Variants in METTL15 observed in about 807,000 individuals in gnomAD.
METTL15 encodes the protein 12S rRNA N(4)-cytidine methyltransferase METTL15.
A neutral mutation model predicts 38.3 loss-of-function variants in METTL15; 34 were observed. The observed-to-expected ratio is 0.89, with a 90% CI of 0.68 to 1.18. The LOEUF is 1.18. Ranked by LOEUF, METTL15 falls within the 50% of genes most tolerant of loss-of-function variation. The probability of loss-of-function intolerance (pLI) is 0.00; values close to 1 mark genes in which losing one functional copy is unlikely to be tolerated. For synonymous variants in METTL15, 162 were observed against 170.9 expected, an observed-to-expected ratio of 0.95 and a Z score of 0.41; for missense variants, 438 against 498.4, an observed-to-expected ratio of 0.88 and a Z score of 1.15.
chr11:28,308,887 G>GGTAA (rs1276886791), intron 6 of METTL15, among the ~76,000 whole-genome samples: 3 of 141,852 alleles, frequency 2.1e-5, no homozygotes, highest in African/African-American at 7.8e-5. Context: ...TAGATAGGTA[G>GGTAA]GTAGGTAGAT....
intron 4 of METTL15, among the ~76,000 whole-genome samples, chr11:28,237,555 T>C (rs7108140): frequency 0.53 from 80,937 of 151,990 alleles, 23,008 homozygotes; most frequent in African/African-American, 0.73. Flanking sequence ...GAATTTCCTC[T>C]TGTAGCTCGG....
chr11:28,521,095 T>A (rs1332370208), intron 6 of METTL15, among the ~76,000 whole-genome samples: 2 of 152,218 alleles, frequency 1.3e-5, no homozygotes, highest in African/African-American at 4.8e-5. Flanking sequence ...ATCAACTCCT[T>A]TAAAAAATCC....
At chr11:28,370,813 A>C in intron 5 of METTL15, among the ~76,000 whole-genome samples, 1 of 152,108 alleles carries the variant, frequency 6.6e-6, no homozygotes, top group African/African-American at 2.4e-5. Context: ...GTGATGCTGA[A>C]CATTTTTATA....
At chr11:28,154,658 T>C (rs1484335981) in intron 3 of METTL15, among the ~76,000 whole-genome samples, 1 of 152,138 alleles carries the variant, frequency 6.6e-6, no homozygotes, top group Non-Finnish European at 1.5e-5. Flanking sequence ...TCTTTAAGCT[T>C]TATTAGTTTT....
chr11:28,437,890 G>A (rs1424852719), intron 6 of METTL15, among the ~76,000 whole-genome samples: 3 of 152,294 alleles, frequency 2.0e-5, no homozygotes, highest in East Asian at 1.9e-4. Context: ...GAATGAATGC[G>A]TGAATAAATG....
chr11:28,234,683 T>G (rs1385955279), intron 4 of METTL15, among the ~76,000 whole-genome samples: 10 of 145,836 alleles, frequency 6.9e-5, no homozygotes, highest in Non-Finnish European at 1.2e-4. Context: ...TTGTTTGAGT[T>G]CATTGTAGAT....
At chr11:28,132,457 A>G (rs1039340633) in intron 3 of METTL15, among the ~76,000 whole-genome samples, 1 of 151,990 alleles carries the variant, frequency 6.6e-6, no homozygotes, top group Non-Finnish European at 1.5e-5. Context: ...TACCTTTAAT[A>G]TATTACTTAT....
intron 3 of METTL15, among the ~76,000 whole-genome samples, chr11:28,149,922 A>G (rs1360480337): frequency 6.6e-6 from 1 of 152,036 alleles, no homozygotes; most frequent in Non-Finnish European, 1.5e-5. Context: ...GGAAACACTC[A>G]TTGAGACAAC....
intron 4 of METTL15, among the ~76,000 whole-genome samples, chr11:28,273,120 T>A (rs1855711628): frequency 6.6e-6 from 1 of 152,190 alleles, no homozygotes; most frequent in African/African-American, 2.4e-5. Context: ...TAGTATTATT[T>A]GCTGTGAGCT....
chr11:28,512,781 C>T (rs1851687053), intron 6 of METTL15, among the ~76,000 whole-genome samples: 1 of 152,250 alleles, frequency 6.6e-6, no homozygotes, highest in Non-Finnish European at 1.5e-5. Context: ...GGGGCTCCCA[C>T]AGTGCAGTGG....
chr11:28,219,392 G>T (rs1027253691), intron 4 of METTL15, among the ~76,000 whole-genome samples: 2 of 152,094 alleles, frequency 1.3e-5, no homozygotes, highest in Non-Finnish European at 2.9e-5. Context: ...ATTTCTGTGG[G>T]ATCGGTGGTG....
intron 3 of METTL15, among the ~76,000 whole-genome samples, chr11:28,183,443 G>A (rs2133788061): frequency 6.6e-6 from 1 of 152,008 alleles, no homozygotes; most frequent in Middle Eastern, 3.4e-3. Context: ...TAGATACCTA[G>A]TTTATTGAGA....
chr11:28,310,532 G>A (rs1857239365), intron 6 of METTL15, among the ~76,000 whole-genome samples: 1 of 151,944 alleles, frequency 6.6e-6, no homozygotes, highest in Non-Finnish European at 1.5e-5. Context: ...CTTAATGAAT[G>A]GGCTTTATTC....
At chr11:28,347,726 T>C (rs1850007695) in intron 3 of METTL15, among the ~76,000 whole-genome samples, 1 of 152,192 alleles carries the variant, frequency 6.6e-6, no homozygotes, top group Non-Finnish European at 1.5e-5. Flanking sequence ...CTCACTATAG[T>C]ACCCGGAATT....
intron 3 of METTL15, among the ~76,000 whole-genome samples, chr11:28,176,085 A>G (rs770252919): frequency 2.3e-4 from 35 of 152,066 alleles, no homozygotes; most frequent in Non-Finnish European, 4.6e-4. Context: ...GAAGGCTGGA[A>G]TAATGGCAGT....
At chr11:28,174,823 A>C (rs908205207) in intron 3 of METTL15, among the ~76,000 whole-genome samples, 3 of 145,230 alleles carry the variant, frequency 2.1e-5, no homozygotes, top group African/African-American at 2.5e-5. Context: ...TCAAAAAAAA[A>C]AAAAAAACAT....
At chr11:28,483,260 G>A (rs1851411697) in intron 6 of METTL15, among the ~76,000 whole-genome samples, 1 of 152,178 alleles carries the variant, frequency 6.6e-6, no homozygotes, top group African/African-American at 2.4e-5. Flanking sequence ...AGCGTATCTG[G>A]TGGGTGGCAA....
intron 5 of METTL15, among the ~76,000 whole-genome samples, chr11:28,401,652 C>T (rs1564921094): frequency 6.6e-6 from 1 of 151,934 alleles, no homozygotes. Context: ...GCACAGCAGA[C>T]CTGCATTTGG....
intron 4 of METTL15, among the ~76,000 whole-genome samples, chr11:28,271,558 C>T (rs930410918): frequency 1.2e-4 from 18 of 152,138 alleles, no homozygotes; most frequent in African/African-American, 4.3e-4. Flanking sequence ...TCTATAATTT[C>T]TTTTTATTTC....
Sources: allele counts gnomAD v4.1 joint callset (sites outside exome capture counted in the v4.1 genomes callset), GRCh38; gene constraint gnomAD v4.1.1; transcripts MANE v1.5; gene names NCBI Gene and HGNC (gene_info 2026-07-23, HGNC 2026-07-21).